The following IMMP2L variants were observed in gnomAD, a reference collection of about 807,000 sequenced individuals.
The protein encoded by IMMP2L is inner mitochondrial membrane peptidase subunit 2.
Under a neutral mutation model 19.3 loss-of-function variants are expected in IMMP2L, and 18 were observed. That is an observed-to-expected ratio of 0.93 (90% CI 0.64 to 1.38). The LOEUF (loss-of-function observed/expected upper bound fraction) is 1.38, where lower values mean the gene tolerates loss of function less well. Ranked by LOEUF, IMMP2L falls within the 40% of genes most tolerant of loss-of-function variation. The probability of loss-of-function intolerance (pLI) is 0.00; values close to 1 mark genes in which losing one functional copy is unlikely to be tolerated. For synonymous variants in IMMP2L, 76 were observed against 73.0 expected, an observed-to-expected ratio of 1.04 and a Z score of -0.21; for missense variants, 233 against 218.2, an observed-to-expected ratio of 1.07 and a Z score of -0.43.
At chr7:111,435,053 C>T (rs1445068083) in intron 3 of IMMP2L, among the ~76,000 whole-genome samples, 1 of 151,840 alleles carries the variant, frequency 6.6e-6, no homozygotes, top group Admixed American at 6.6e-5. Flanking sequence ...GGCAAGGATG[C>T]AGATAAGTGA....
intron 1 of IMMP2L, among the ~76,000 whole-genome samples, chr7:111,529,820 A>C (rs778678359): frequency 8.5e-5 from 13 of 152,202 alleles, no homozygotes; most frequent in Non-Finnish European, 1.5e-4. Context: ...TGATGTATTC[A>C]ATCTTAAGTC....
chr7:110,907,802 G>C (rs1812629171), intron 4 of IMMP2L, among the ~76,000 whole-genome samples: 1 of 152,156 alleles, frequency 6.6e-6, no homozygotes, highest in Non-Finnish European at 1.5e-5. Flanking sequence ...AAATGAAGGA[G>C]TACTCAGATT....
At chr7:111,489,990 G>T (rs1842958590) in intron 2 of IMMP2L, among the ~76,000 whole-genome samples, 1 of 151,248 alleles carries the variant, frequency 6.6e-6, no homozygotes, top group African/African-American at 2.4e-5. Flanking sequence ...TAGAGACGGG[G>T]TTTCACCATA....
chr7:110,906,456 G>A (rs922722239), intron 4 of IMMP2L, among the ~76,000 whole-genome samples: 7 of 152,168 alleles, frequency 4.6e-5, no homozygotes, highest in East Asian at 1.9e-4. Flanking sequence ...AGTTCCGTGT[G>A]ACAGAATAAA....
intron 4 of IMMP2L, among the ~76,000 whole-genome samples, chr7:110,914,011 T>C (rs184428707): frequency 2.6e-5 from 4 of 152,254 alleles, no homozygotes; most frequent in South Asian, 2.1e-4. Flanking sequence ...GATATTATCA[T>C]TGTTTTGGCC....
chr7:110,793,038 G>T (rs916840772), intron 5 of IMMP2L, among the ~76,000 whole-genome samples: 26 of 152,198 alleles, frequency 1.7e-4, no homozygotes, highest in Non-Finnish European at 3.8e-4. Flanking sequence ...TGAATACATA[G>T]AAACAGAGAG....
At chr7:110,931,808 C>T (rs1199612064) in intron 4 of IMMP2L, among the ~76,000 whole-genome samples, 1 of 152,134 alleles carries the variant, frequency 6.6e-6, no homozygotes, top group Admixed American at 6.5e-5. Flanking sequence ...AGTGCATTCT[C>T]TAGCCTCATC....
chr7:111,334,266 GTTC>G (rs1170953606), intron 3 of IMMP2L, among the ~76,000 whole-genome samples: 1 of 151,102 alleles, frequency 6.6e-6, no homozygotes, highest in Non-Finnish European at 1.5e-5. Context: ...TACTCTCTGT[GTTC>G]TTGACAGTCA....
At chr7:110,894,043 A>G (rs967993598) in intron 4 of IMMP2L, among the ~76,000 whole-genome samples, 8 of 151,808 alleles carry the variant, frequency 5.3e-5, no homozygotes, top group African/African-American at 1.7e-4. Context: ...GGTAGCCCCA[A>G]TTTACAACCT....
At chr7:111,121,091 T>G (rs971369219) in intron 3 of IMMP2L, among the ~76,000 whole-genome samples, 1 of 152,214 alleles carries the variant, frequency 6.6e-6, no homozygotes, top group Non-Finnish European at 1.5e-5. Flanking sequence ...TGGAAACACA[T>G]TCATTAAAAT....
chr7:111,002,618 C>T (rs1160607934), intron 3 of IMMP2L, among the ~76,000 whole-genome samples: 1 of 152,062 alleles, frequency 6.6e-6, no homozygotes, highest in Non-Finnish European at 1.5e-5. Flanking sequence ...AGTAGTTTTG[C>T]TTTCATTTGT....
chr7:111,441,594 C>T (rs1261616377), intron 3 of IMMP2L, among the ~76,000 whole-genome samples: 2 of 150,544 alleles, frequency 1.3e-5, no homozygotes, highest in Non-Finnish European at 2.9e-5. Flanking sequence ...GATATAATAA[C>T]AAAAAAGTTT....
intron 5 of IMMP2L, among the ~76,000 whole-genome samples, chr7:110,747,302 G>T (rs1275139915): frequency 6.6e-6 from 1 of 152,134 alleles, no homozygotes; most frequent in African/African-American, 2.4e-5. Flanking sequence ...TGGATTCATA[G>T]CCGAATTCTA....
intron 3 of IMMP2L, among the ~76,000 whole-genome samples, chr7:111,253,805 G>C (rs1285069394): frequency 6.6e-6 from 1 of 152,048 alleles, no homozygotes; most frequent in Non-Finnish European, 1.5e-5. Context: ...CCTACAAAAA[G>C]CCAGGCAAGT....
In IMMP2L at chr7:110,945,195, C is replaced by T. The variant is rs1015232982; in HGVS notation, c.305+18305G>A. On this transcript the variant is annotated intron_variant, in intron 4 of 5. Transcript: ENST00000405709. ...ACTCCGAGGCCAGATTGTGAGGGGC[C>T]GCATCTGCAGGGCTCCTGTTTATGG... Among the ~76,000 whole-genome samples, 3 of 151,786 alleles carry T rather than the reference C, an allele frequency of 2.0e-5. 1 individual carries two copies. In the Admixed American group the frequency reaches 2.0e-4, roughly 10 times the overall value.
chr7:111,229,429 G>A (rs1405177755), intron 3 of IMMP2L, among the ~76,000 whole-genome samples: 2 of 152,026 alleles, frequency 1.3e-5, no homozygotes, highest in African/African-American at 4.8e-5. Context: ...ACAATCAGGT[G>A]ATCAAGGTAA....
At chr7:111,353,377 G>A (rs1051230625) in intron 3 of IMMP2L, among the ~76,000 whole-genome samples, 5 of 152,130 alleles carry the variant, frequency 3.3e-5, no homozygotes, top group Non-Finnish European at 7.3e-5. Flanking sequence ...ATTTAATAAT[G>A]TGATGAGATC....
intron 5 of IMMP2L, among the ~76,000 whole-genome samples, chr7:110,823,278 T>C (rs958547931): frequency 1.3e-5 from 2 of 152,044 alleles, no homozygotes; most frequent in African/African-American, 4.8e-5. Context: ...GGTACACCTA[T>C]TTTCACACAA....
chr7:111,208,145 T>C (rs188781699), intron 3 of IMMP2L, among the ~76,000 whole-genome samples: 19 of 152,334 alleles, frequency 1.2e-4, no homozygotes, highest in Non-Finnish European at 1.9e-4. Flanking sequence ...TTGCTTGTAT[T>C]ACTCAGGTTT....
Sources: allele counts gnomAD v4.1 joint callset (sites outside exome capture counted in the v4.1 genomes callset), GRCh38; gene constraint gnomAD v4.1.1; transcripts MANE v1.5; gene names NCBI Gene and HGNC (gene_info 2026-07-23, HGNC 2026-07-21).